RBFOX1: variants seen among roughly 807,000 people sequenced by gnomAD.
RBFOX1 encodes the protein RNA binding fox-1 homolog 1.
In RBFOX1, 8 loss-of-function variants were observed where a neutral mutation model predicts 57.7. That is an observed-to-expected ratio of 0.14 (90% CI 0.08 to 0.25). The LOEUF (loss-of-function observed/expected upper bound fraction) is 0.25. RBFOX1 is among the 10% of genes least tolerant of loss of function. RBFOX1 has a pLI of 1.00. For synonymous variants in RBFOX1, 326 were observed against 222.4 expected, an observed-to-expected ratio of 1.47 and a Z score of -4.15; for missense variants, 611 against 548.5, an observed-to-expected ratio of 1.11 and a Z score of -1.14.
downstream of RBFOX1, among the ~76,000 whole-genome samples, chr16:5,604,511 C>G (rs530637313): frequency 6.6e-6 from 1 of 152,318 alleles, no homozygotes; most frequent in African/African-American, 2.4e-5. Context: ...TACAATGTGA[C>G]AGTGTGCTTT....
At chr16:7,137,882 GC>G (rs1416635206) in intron 4 of RBFOX1, among the ~76,000 whole-genome samples, 1 of 152,134 alleles carries the variant, frequency 6.6e-6, no homozygotes, top group African/African-American at 2.4e-5. Context: ...TCTGTGATTT[GC>G]CAGATATTGT....
intron 4 of RBFOX1, among the ~76,000 whole-genome samples, chr16:7,400,986 C>T (rs754484146): frequency 1.3e-5 from 2 of 152,182 alleles, no homozygotes; most frequent in Admixed American, 6.5e-5. Flanking sequence ...CTTGGAACCC[C>T]GCATGAAACT....
chr16:6,220,318 A>T (rs1268701254), intron 1 of RBFOX1, among the ~76,000 whole-genome samples: 1 of 152,098 alleles, frequency 6.6e-6, no homozygotes, highest in Admixed American at 6.6e-5. Flanking sequence ...ATACATGTTC[A>T]TTTTTGTCCC....
chr16:6,897,929 C>G (rs986697017), intron 3 of RBFOX1, among the ~76,000 whole-genome samples: 2 of 152,160 alleles, frequency 1.3e-5, no homozygotes, highest in African/African-American at 2.4e-5. Flanking sequence ...CACGAGCTAC[C>G]CTCTGTGTCT....
chr16:5,584,480 C>T (rs779375610), intron 2 of RBFOX1, among the ~76,000 whole-genome samples: 2 of 152,310 alleles, frequency 1.3e-5, no homozygotes, highest in Middle Eastern at 6.8e-3. Flanking sequence ...ATACCATTGC[C>T]CACTTGCAAA....
intron 11 of RBFOX1, among the ~76,000 whole-genome samples, chr16:7,651,271 G>C (rs187039283): frequency 9.2e-5 from 14 of 152,176 alleles, no homozygotes; most frequent in African/African-American, 3.4e-4. Context: ...GGTCGGGTTC[G>C]GGGGTTTTAT....
chr16:6,651,411 C>A (rs2098594777), intron 2 of RBFOX1, among the ~76,000 whole-genome samples: 1 of 152,196 alleles, frequency 6.6e-6, no homozygotes. Context: ...CACCCTTATC[C>A]ATCCACCATC....
At chr16:6,377,743 A>T (rs987961160) in intron 2 of RBFOX1, among the ~76,000 whole-genome samples, 1 of 152,256 alleles carries the variant, frequency 6.6e-6, no homozygotes, top group East Asian at 1.9e-4. Flanking sequence ...GTAATCATAT[A>T]AAATGTTTGG....
At position 7,251,146 on chromosome 16, in the gene RBFOX1, C is replaced by G. The variant is rs1324218917; in HGVS notation, c.27+199048C>G. On this transcript the variant is annotated intron_variant, in intron 4 of 15. Transcript: ENST00000550418. Reference sequence around the variant, plus strand: ...TAACTGAAATTTTGTATCCATTCACCAACATCTCCCCAACCCTCACCAACC... The same window carrying G: ...TAACTGAAATTTTGTATCCATTCACGAACATCTCCCCAACCCTCACCAACC... Among the ~76,000 whole-genome samples, 7 of 152,194 alleles carry G rather than the reference C, an allele frequency of 4.6e-5. No individual in the cohort carries two copies. In the South Asian group the frequency reaches 1.5e-3, roughly 32 times the overall value.
At chr16:5,343,666 C>G (rs2065081389) in intron 1 of RBFOX1, among the ~76,000 whole-genome samples, 1 of 152,154 alleles carries the variant, frequency 6.6e-6, no homozygotes, top group African/African-American at 2.4e-5. Context: ...AAGAATCCCT[C>G]TGATACGAAT....
chr16:5,935,512 A>T (rs999349178), intron 4 of RBFOX1, among the ~76,000 whole-genome samples: 1 of 152,168 alleles, frequency 6.6e-6, no homozygotes, highest in Non-Finnish European at 1.5e-5. Flanking sequence ...CCCTGGGGTG[A>T]TTAGGGCCGG....
Position 5,320,623 on chromosome 16 carries a change from G to A in RBFOX1, c.219+80518G>A, listed in dbSNP as rs1303812573. 3.3e-5 allele frequency among the ~76,000 whole-genome samples: 5 copies of A among 152,240 alleles called. No homozygotes were observed. In the East Asian group the frequency reaches 9.6e-4, roughly 29 times the overall value. On this transcript the variant is annotated intron_variant, in intron 1 of 2. Coordinates refer to the RBFOX1 transcript ENST00000585867. Reference sequence around the variant, plus strand: ...AGAGAAGTTCTCCTAACATGCTTTTGTTCTGAATCTCAGGAGAGGAGAGCT... The same window carrying A: ...AGAGAAGTTCTCCTAACATGCTTTTATTCTGAATCTCAGGAGAGGAGAGCT...
chr16:7,037,754 T>C (rs7189478), intron 3 of RBFOX1, among the ~76,000 whole-genome samples: 13,304 of 151,872 alleles, frequency 0.088, 963 homozygotes, highest in East Asian at 0.32. Context: ...TAATAAGGAG[T>C]TGAGTTGAGC....
In RBFOX1 at chr16:7,207,124, T is replaced by G. The variant is rs545973775; in HGVS notation, c.27+155026T>G. On this transcript the variant is annotated intron_variant, in intron 4 of 15. Transcript: ENST00000550418. ...AGGCTTCAAATCACCCCATCCATCT[T>G]CATGGCATTTCTTAGCTGATCAGCA... 1.5e-3 allele frequency among the ~76,000 whole-genome samples: 232 copies of G among 152,348 alleles called. 2 individuals are homozygous for G. The highest frequency in any genetic ancestry group is 2.9e-3 in the Non-Finnish European group (194 of 68,038).
chr16:7,459,513 A>T (rs1258368314), intron 4 of RBFOX1, among the ~76,000 whole-genome samples: 1 of 152,248 alleles, frequency 6.6e-6, no homozygotes. Context: ...TCCTGTTGCC[A>T]GATTAAAGCC....
intron 1 of RBFOX1, among the ~76,000 whole-genome samples, chr16:5,444,094 G>GTTAATA (rs369069952): frequency 1.3e-5 from 2 of 151,726 alleles, no homozygotes; most frequent in Admixed American, 1.3e-4. Context: ...TATTGGCAAA[G>GTTAATA]GTGACACTGA....
At chr16:6,243,558 A>G (rs1224206122) in intron 1 of RBFOX1, among the ~76,000 whole-genome samples, 1 of 152,186 alleles carries the variant, frequency 6.6e-6, no homozygotes, top group African/African-American at 2.4e-5. Flanking sequence ...GTTCAGCAAG[A>G]AGCAGGGTAT....
intron 1 of RBFOX1, among the ~76,000 whole-genome samples, chr16:6,261,573 C>T (rs2097701603): frequency 6.6e-6 from 1 of 152,206 alleles, no homozygotes; most frequent in African/African-American, 2.4e-5. Context: ...CCTTCTCAGC[C>T]AGTCCATCAA....
At position 7,607,485 on chromosome 16, in the gene RBFOX1, G is replaced by A. The variant is rs1596397458; in HGVS notation, c.676+147G>A. The A allele has an allele frequency of 2.5e-6, 2 of 786,410 alleles. 1 individual carries two copies. The allele number at this position is 786,410 out of a possible 1,614,324, so 48.7% of individuals were successfully genotyped here. A position where few individuals can be genotyped will look rare whatever the true frequency, so the allele number is the denominator to read the frequency against. ...GAATGATTTCTTTGGGCAAAATCAA[G>A]AGTGCTTAAAACAGTTTAAAAATTA... On this transcript the variant is annotated intron_variant, in intron 10 of 15. Transcript: ENST00000550418.
Sources: gnomAD v4.1 joint callset for allele counts (sites outside exome capture counted in the v4.1 genomes callset) on GRCh38, gnomAD v4.1.1 for gene constraint, MANE v1.5 for transcripts, NCBI Gene and HGNC (gene_info 2026-07-23, HGNC 2026-07-21) for gene names.